CIT: variants seen among roughly 807,000 people sequenced by gnomAD.
CIT encodes citron rho-interacting serine/threonine kinase, also known as citron Rho-interacting kinase.
A neutral mutation model predicts 272.7 loss-of-function variants in CIT; 79 were observed. The ratio of observed to expected loss-of-function variants is 0.29; its 90% confidence interval spans 0.24 to 0.35. CIT has a LOEUF of 0.35. Ranked by LOEUF, CIT falls within the 10% of genes least tolerant of loss-of-function variation. CIT has a pLI of 1.00. For missense variants in CIT, 1,909 were observed against 2,618.3 expected (o/e 0.73, Z 5.91); for synonymous variants, 948 against 995.6 (o/e 0.95, Z 0.90).
At chr12:119,810,901 C>T (rs967743855) in intron 9 of CIT, among the ~76,000 whole-genome samples, 1 of 152,086 alleles carries the variant, frequency 6.6e-6, no homozygotes, top group Non-Finnish European at 1.5e-5. Context: ...GAGCTGGCTA[C>T]TAAATATGCA....
chr12:119,857,657 C>A lies in CIT; in HGVS notation c.280G>T (p.Ala94Ser). The A allele has an allele frequency of 6.2e-7, 1 of 1,614,136 alleles. No individual in the cohort carries two copies. The highest frequency in any genetic ancestry group is 2.2e-5 in the East Asian group (1 of 44,878). ...AGACTTCTGACTTCGAAGTCCTTTGCCGAAGGCTGGAGCTCCTGTAACTCA... is the reference window on the plus strand; with the variant it reads ...AGACTTCTGACTTCGAAGTCCTTTGACGAAGGCTGGAGCTCCTGTAACTCA... ...IAELQELQPS[A>S]KDFEVRSLVG... is the part of the protein sequence containing the mutation. The change falls in exon 4 of 48, where the codon GCA becomes TCA. Residue 94 changes from alanine (A) to serine (S), a missense_variant. Ala to Ser is a moderately conservative substitution (Grantham distance 99). Around this residue, in one of 8 missense-constraint regions of CIT, gnomAD observed 529 missense variants for 549.6 expected, o/e 0.96. Transcript: ENST00000392521.
intron 2 of CIT, 121 bp downstream of exon 2, chr12:119,875,952 T>TAC: frequency 1.6e-6 from 1 of 633,178 alleles, no homozygotes; most frequent in African/African-American, 1.9e-5. Flanking sequence ...TGCACCACTG[T>TAC]ACTCCAGCCT....
intron 4 of CIT, among the ~76,000 whole-genome samples, chr12:119,855,718 GC>G (rs1192659247): frequency 1.3e-5 from 2 of 152,108 alleles, no homozygotes; most frequent in Non-Finnish European, 2.9e-5. Flanking sequence ...AATTTTATAA[GC>G]CCCCAGCCCA....
At chr12:119,701,000 G>A (rs995018494) in intron 43 of CIT, 175 bp from the exon 44 acceptor site, 1 of 388,828 alleles carries the variant, frequency 2.6e-6, no homozygotes, top group Non-Finnish European at 4.6e-6. Context: ...TAAAAATGAG[G>A]GACTTTTTAA....
chr12:119,796,272 T>A (rs1794834645), intron 10 of CIT, among the ~76,000 whole-genome samples: 1 of 152,096 alleles, frequency 6.6e-6, no homozygotes. Context: ...CCACCCTTTG[T>A]GGAGAATGGA....
chr12:119,714,328 C>T lies in CIT; in HGVS notation c.4175G>A (p.Ser1392Asn). Residue 1392 changes from serine (S) to asparagine (N), a missense_variant, in exon 33 of 48, where the codon AGT becomes AAT. By Grantham distance (46) the Ser-to-Asn change is conservative (BLOSUM62 1). Transcript: ENST00000392521. The part of the protein sequence containing the change: ...RKESSTPEEF[S>N]RRLKERMHHN... ...GTGCATGCGTTCCTTAAGACGCCGA[C>T]TAAATTCTGGAGGAAAATGTTTTAA... The T allele has an allele frequency of 6.2e-7, 1 of 1,613,840 alleles. No homozygotes were observed.
intron 10 of CIT, among the ~76,000 whole-genome samples, chr12:119,801,200 ATAGTT>A (rs1420488685): frequency 6.6e-6 from 1 of 152,196 alleles, no homozygotes; most frequent in African/African-American, 2.4e-5. Flanking sequence ...CTCTAAGGAT[ATAGTT>A]TAAACTACCA....
intron 10 of CIT, among the ~76,000 whole-genome samples, chr12:119,796,538 C>T (rs909024655): frequency 1.3e-5 from 2 of 152,182 alleles, no homozygotes; most frequent in African/African-American, 2.4e-5. Flanking sequence ...GAAGCCAAAA[C>T]TAGCACCTAG....
intron 10 of CIT, among the ~76,000 whole-genome samples, chr12:119,785,270 C>A (rs1345472542): frequency 6.6e-6 from 1 of 152,198 alleles, no homozygotes; most frequent in African/African-American, 2.4e-5. Context: ...GCAAAAGGGA[C>A]TTTGCAGATG....
At chr12:119,863,382 G>A (rs1328535163) in intron 3 of CIT, among the ~76,000 whole-genome samples, 1 of 151,892 alleles carries the variant, frequency 6.6e-6, no homozygotes, top group Admixed American at 6.6e-5. Context: ...GTGGGAGGAG[G>A]GAGACAATCT....
At chr12:119,695,829 A>G (rs1956197642) in intron 46 of CIT, among the ~76,000 whole-genome samples, 1 of 152,168 alleles carries the variant, frequency 6.6e-6, no homozygotes, top group Admixed American at 6.5e-5. Flanking sequence ...ACCTACACAC[A>G]TCCTGTTGTA....
intron 19 of CIT, among the ~76,000 whole-genome samples, chr12:119,764,589 C>T (rs1209189003): frequency 7.4e-6 from 1 of 134,372 alleles, no homozygotes; most frequent in East Asian, 2.2e-4. Flanking sequence ...GCCTGGGTGA[C>T]AGAGTGAGAT....
chr12:119,875,542 T>C (rs1388426331), intron 2 of CIT, among the ~76,000 whole-genome samples: 1 of 150,888 alleles, frequency 6.6e-6, no homozygotes, highest in East Asian at 2.0e-4. Context: ...TCAGGTGTTC[T>C]ATATCAGCCT....
chr12:119,831,663 A>G (rs1055794043), intron 7 of CIT, among the ~76,000 whole-genome samples: 12 of 152,156 alleles, frequency 7.9e-5, no homozygotes, highest in Non-Finnish European at 1.5e-4. Flanking sequence ...AGGTCAGGAG[A>G]TCGAGACCAT....
intron 10 of CIT, among the ~76,000 whole-genome samples, chr12:119,800,795 CAAT>C (rs1405063447): frequency 6.6e-6 from 1 of 152,184 alleles, no homozygotes; most frequent in Non-Finnish European, 1.5e-5. Flanking sequence ...TAAATTTTGT[CAAT>C]AAAACTGCAG....
At chr12:119,719,536 G>A (rs1394660447) in intron 30 of CIT, among the ~76,000 whole-genome samples, 2 of 152,180 alleles carry the variant, frequency 1.3e-5, no homozygotes, top group African/African-American at 2.4e-5. Context: ...ACCATATACA[G>A]TCACGCAGCA....
chr12:119,693,312 G>A (rs1382433394), intron 46 of CIT, among the ~76,000 whole-genome samples: 1 of 152,190 alleles, frequency 6.6e-6, no homozygotes, highest in Non-Finnish European at 1.5e-5. Context: ...ATCAGACCCA[G>A]AAAGCCAACC....
intron 2 of CIT, 127 bp downstream of exon 2, chr12:119,875,946 C>T (rs142561579): frequency 1.2e-4 from 74 of 605,768 alleles, no homozygotes; most frequent in African/African-American, 1.2e-3. Context: ...TGAGATTGCA[C>T]CACTGTACTC....
At chr12:119,776,218 G>T (rs374794877) in intron 15 of CIT, 140 bp downstream of exon 15, 1 of 723,798 alleles carries the variant, frequency 1.4e-6, no homozygotes. Flanking sequence ...CCCAAAGGTG[G>T]ACTATCAAAA....
Sources: allele counts gnomAD v4.1 joint callset (sites outside exome capture counted in the v4.1 genomes callset), GRCh38; gene constraint gnomAD v4.1.1; regional missense constraint gnomAD v4.1.1; transcripts MANE v1.5; gene names NCBI Gene and HGNC (gene_info 2026-07-23, HGNC 2026-07-21).